The following MTHFS variants were observed in gnomAD, a reference collection of about 807,000 sequenced individuals.
MTHFS encodes the protein methenyltetrahydrofolate synthetase.
A neutral mutation model predicts 12.7 loss-of-function variants in MTHFS; 7 were observed. That is an observed-to-expected ratio of 0.55 (90% CI 0.31 to 1.03). The LOEUF (loss-of-function observed/expected upper bound fraction) is 1.03, where lower values mean the gene tolerates loss of function less well. Among genes scored for constraint, MTHFS ranks in the 50% least tolerant of loss-of-function variants. MTHFS has a pLI of 0.05. For synonymous variants in MTHFS, 100 were observed against 97.1 expected (o/e 1.03, Z -0.18); for missense variants, 252 against 258.1 (o/e 0.98, Z 0.16).
At chr15:79,858,015 C>CAAAAAAAAAAAAAAA in intron 2 of MTHFS, among the ~76,000 whole-genome samples, 1 of 59,472 alleles carries the variant, frequency 1.7e-5, no homozygotes, top group Non-Finnish European at 3.3e-5. Context: ...GACTCCATCT[C>CAAAAAAAAAAAAAAA]AAAAAAAAAA....
intron 2 of MTHFS, among the ~76,000 whole-genome samples, chr15:79,882,701 T>C (rs1195825870): frequency 1.3e-5 from 2 of 152,210 alleles, no homozygotes; most frequent in African/African-American, 4.8e-5. Flanking sequence ...TATACAGATC[T>C]AGTTCCACAG....
chr15:79,866,204 C>T (rs1365138155), intron 2 of MTHFS, among the ~76,000 whole-genome samples: 1 of 151,898 alleles, frequency 6.6e-6, no homozygotes, highest in Non-Finnish European at 1.5e-5. Flanking sequence ...TGTGTTTTTT[C>T]CCTCAGAGGA....
chr15:79,889,481 G>C (rs2034436849), intron 1 of MTHFS, 127 bp from the exon 2 acceptor site: 2 of 1,368,440 alleles, frequency 1.5e-6, no homozygotes, highest in Admixed American at 2.7e-5. Context: ...AAAAGGGGGG[G>C]GGACCAGAGT....
At chr15:79,865,868 T>G (rs2034001200) in intron 2 of MTHFS, among the ~76,000 whole-genome samples, 1 of 152,164 alleles carries the variant, frequency 6.6e-6, no homozygotes, top group Non-Finnish European at 1.5e-5. Flanking sequence ...ACTGCATCTT[T>G]CTCAAGCAAA....
chr15:79,881,920 A>G (rs1289469008), intron 2 of MTHFS, among the ~76,000 whole-genome samples: 3 of 152,182 alleles, frequency 2.0e-5, no homozygotes, highest in Non-Finnish European at 4.4e-5. Flanking sequence ...AACAAAGAAG[A>G]TGAAGCAAGG....
Position 79,890,207 on chromosome 15 carries a change from C to CTTTT in MTHFS, c.118-857_118-854dup, listed in dbSNP as rs71150999. Among the ~76,000 whole-genome samples, 114 of 100,730 alleles carry CTTTT rather than the reference C, an allele frequency of 1.1e-3. 5 individuals are homozygous for CTTTT. The highest frequency in any genetic ancestry group is 3.8e-3 in the African/African-American group (104 of 27,186). The allele number at this position is 100,730 out of a possible 152,430, so 66.1% of individuals were successfully genotyped here. The stretch of plus-strand genomic sequence containing the variant: ...AGTTAGCCCTTCGCTCTCTTTTTTC[C>CTTTT]TTTTTTTTTTTTTTTTTTTTTTTTT... On this transcript the variant is annotated intron_variant, in intron 1 of 2. Transcript: ENST00000258874.
chr15:79,883,341 A>C (rs2034328446), intron 2 of MTHFS, among the ~76,000 whole-genome samples: 1 of 152,224 alleles, frequency 6.6e-6, no homozygotes, highest in African/African-American at 2.4e-5. Flanking sequence ...CTATTCATTT[A>C]TACAGGCACG....
At chr15:79,856,981 T>C (rs565296936) in intron 2 of MTHFS, among the ~76,000 whole-genome samples, 3 of 146,246 alleles carry the variant, frequency 2.1e-5, no homozygotes, top group African/African-American at 7.5e-5. Context: ...TTTTAGAAGA[T>C]GAGCTCGCAA....
At chr15:79,885,298 G>A (rs988369907) in intron 2 of MTHFS, among the ~76,000 whole-genome samples, 20 of 152,252 alleles carry the variant, frequency 1.3e-4, no homozygotes, top group Admixed American at 9.8e-4. Flanking sequence ...TTATGGCTCA[G>A]GTAACTACAC....
At chr15:79,877,154 C>T (rs978478091) in intron 2 of MTHFS, 1 of 151,658 alleles carries the variant, frequency 6.6e-6, no homozygotes, top group South Asian at 2.1e-4. Flanking sequence ...GACAGATCTA[C>T]AGAAATTATC....
chr15:79,896,832 G>A (rs1417417936), intron 1 of MTHFS, 40 bp downstream of exon 1: 1 of 1,538,306 alleles, frequency 6.5e-7, no homozygotes, highest in Non-Finnish European at 8.7e-7. Flanking sequence ...GCCTTCGGAG[G>A]GTCTGTCCGC....
At chr15:79,846,588 C>T (rs1361959483) in intron 2 of MTHFS, among the ~76,000 whole-genome samples, 2 of 152,220 alleles carry the variant, frequency 1.3e-5, no homozygotes, top group African/African-American at 2.4e-5. Flanking sequence ...TCCCAGCATA[C>T]ACCTGGTCAC....
chr15:79,889,084 A>G lies in MTHFS; in HGVS notation c.379+9T>C. ...TAATCTAACAACATCCTAACACCAT[A>G]ATACTCACCTGTGGACAAGGCCTCC... On this transcript the variant is annotated intron_variant, in intron 2 of 2. Transcript: ENST00000258874. The G allele has an allele frequency of 6.2e-7, 1 of 1,613,954 alleles. No homozygotes were observed. The highest frequency in any genetic ancestry group is 8.5e-7 in the Non-Finnish European group (1 of 1,179,918).
chr15:79,889,346 G>C lies in MTHFS; in HGVS notation c.126C>G (p.Ala42=). 6.2e-7 allele frequency: 1 copy of C among 1,612,818 alleles called. No homozygotes were observed. Among genetic ancestry groups the C allele is most frequent in the East Asian group, 2.2e-5 (1 of 44,866 alleles). The change falls in exon 2 of 3, where the codon GCC becomes GCG. Residue 42 remains alanine (A), a synonymous_variant. Coordinates refer to ENST00000258874, the MANE Select transcript of MTHFS (RefSeq NM_006441.4). ...TTTTGGACTTTTGATACTCACTGTG[G>C]GCAATCACCTAAATGGGAAATTATG... ...QSRVLSQKVI[A]HSEYQKSKRI... is the part of the protein sequence containing the mutation.
chr15:79,854,838 T>A (rs2033772718), intron 2 of MTHFS, among the ~76,000 whole-genome samples: 1 of 152,222 alleles, frequency 6.6e-6, no homozygotes, highest in Non-Finnish European at 1.5e-5. Context: ...CATTATTTTC[T>A]TAATCAACAT....
Position 79,896,817 on chromosome 15 carries a change from G to T in MTHFS, c.117+55C>A, listed in dbSNP as rs1432784353. 4 of 1,528,894 alleles carry T rather than the reference G, an allele frequency of 2.6e-6. No individual in the cohort carries two copies. The South Asian group carries it at 4.8e-5, about 18-fold the overall frequency. The allele number at this position is 1,528,894 out of a possible 1,614,324, so 94.7% of individuals were successfully genotyped here. On this transcript the variant is annotated intron_variant, in intron 1 of 2. Transcript: ENST00000258874. ...ATGCACAGATCAGCAATCGCTGGCC[G>T]CCAGGCCTTCGGAGGGTCTGTCCGC...
chr15:79,866,924 C>A (rs1596070499), intron 2 of MTHFS, among the ~76,000 whole-genome samples: 1 of 151,804 alleles, frequency 6.6e-6, no homozygotes, highest in Admixed American at 6.6e-5. Flanking sequence ...CCATTGCACT[C>A]CAGCCTGGGC....
intron 2 of MTHFS, among the ~76,000 whole-genome samples, chr15:79,883,674 T>C (rs60269787): frequency 0.12 from 17,824 of 147,842 alleles, 1,189 homozygotes; most frequent in Middle Eastern, 0.19. Context: ...CGAACTGTAC[T>C]AGGCACTTTA....
At chr15:79,889,396 T>C (rs531503160) in intron 1 of MTHFS, 42 bp from the exon 2 acceptor site, 2 of 1,585,580 alleles carry the variant, frequency 1.3e-6, no homozygotes, top group Non-Finnish European at 1.7e-6. Context: ...CAAGACTATA[T>C]TTAGCAACTC....
Sources: allele counts gnomAD v4.1 joint callset (sites outside exome capture counted in the v4.1 genomes callset), GRCh38; gene constraint gnomAD v4.1.1; transcripts MANE v1.5; gene names NCBI Gene and HGNC (gene_info 2026-07-23, HGNC 2026-07-21).